The following RPS6KA6 variants were observed in gnomAD, a reference collection of about 807,000 sequenced individuals.
RPS6KA6 encodes ribosomal protein S6 kinase A6.
Under a neutral mutation model 65.4 loss-of-function variants are expected in RPS6KA6, and 27 were observed. That is an observed-to-expected ratio of 0.41 (90% CI 0.30 to 0.57). The LOEUF is 0.57. RPS6KA6 is among the 20% of genes least tolerant of loss of function. RPS6KA6 has a pLI of 0.24. For synonymous variants in RPS6KA6, 190 were observed against 184.2 expected (o/e 1.03, Z -0.26); for missense variants, 486 against 555.6 (o/e 0.87, Z 1.26).
At chrX:84,186,144 T>TCCAAA in intron 1 of RPS6KA6, 1 of 510,460 alleles carries the variant, frequency 2.0e-6, no homozygotes. Context: ...AGACCCATTG[T>TCCAAA]TAAATCTCTA....
At chrX:84,172,675 A>T (rs2035704979) in intron 1 of RPS6KA6, among the ~76,000 whole-genome samples, 1 of 112,313 alleles carries the variant, frequency 8.9e-6, no homozygotes, top group South Asian at 3.7e-4. Flanking sequence ...CTATGTTCAT[A>T]GCAGCATTAT....
chrX:84,126,949 C>T (rs2034803765), intron 8 of RPS6KA6, among the ~76,000 whole-genome samples: 1 of 110,710 alleles, frequency 9.0e-6, no homozygotes, highest in Non-Finnish European at 1.9e-5. Context: ...GTGAATTGAA[C>T]CCAAATTAGT....
intron 1 of RPS6KA6, among the ~76,000 whole-genome samples, chrX:84,172,143 C>T (rs777364115): frequency 1.8e-4 from 20 of 111,658 alleles, no homozygotes; most frequent in South Asian, 3.8e-4. Context: ...AATAAACATG[C>T]GTGTTTATAT....
chrX:84,107,463 C>T (rs1290163867), intron 13 of RPS6KA6, among the ~76,000 whole-genome samples, 160 bp downstream of exon 13: 5 of 112,519 alleles, frequency 4.4e-5, no homozygotes, highest in Non-Finnish European at 9.4e-5. Flanking sequence ...ATCTACTTGA[C>T]AGCTGCCCAA....
At chrX:84,109,010 G>T (rs2034417256) in intron 12 of RPS6KA6, among the ~76,000 whole-genome samples, 1 of 111,847 alleles carries the variant, frequency 8.9e-6, no homozygotes, top group African/African-American at 3.3e-5. Context: ...AGCCCCCAGA[G>T]GCTCGTGACC....
intron 20 of RPS6KA6, among the ~76,000 whole-genome samples, chrX:84,095,451 G>A (rs1044654501): frequency 1.8e-5 from 2 of 111,597 alleles, no homozygotes; most frequent in African/African-American, 6.5e-5. Flanking sequence ...AATAAGGCCA[G>A]TTATGCTGAA....
intron 1 of RPS6KA6, among the ~76,000 whole-genome samples, chrX:84,180,842 G>A (rs2035841139): frequency 9.0e-6 from 1 of 111,290 alleles, no homozygotes; most frequent in Non-Finnish European, 1.9e-5. Flanking sequence ...AATGTATAGA[G>A]GAAAAAGCAT....
intron 8 of RPS6KA6, among the ~76,000 whole-genome samples, chrX:84,133,723 TA>T (rs993932471): frequency 5.4e-5 from 6 of 111,880 alleles, no homozygotes; most frequent in Admixed American, 1.9e-4. Flanking sequence ...TTAATTGCTA[TA>T]AAATAAAATT....
Position 84,147,021 on chromosome X carries a change from T to C in RPS6KA6, c.378A>G (p.Ile126Met). 8.4e-7 allele frequency: 1 copy of C among 1,187,494 alleles called. No individual in the cohort carries two copies. Among genetic ancestry groups the C allele is most frequent in the Non-Finnish European group, 1.1e-6 (1 of 877,293 alleles). Residue 126 changes from isoleucine (I) to methionine (M), a missense_variant, in exon 5 of 22, where the codon ATA becomes ATG. Physicochemically the swap from Ile to Met is conservative, Grantham distance 10. Around this residue, in one of 3 missense-constraint regions of RPS6KA6, gnomAD observed 106 missense variants for 105.0 expected, o/e 1.01. Coordinates refer to ENST00000262752, the MANE Select transcript of RPS6KA6 (RefSeq NM_014496.5). Reference sequence around the variant, plus strand: ...TAAATGGATGATTTACTTCCACCAGTATATCCCTCTCCATCTTTGTCCGAA... The same window carrying C: ...TAAATGGATGATTTACTTCCACCAGCATATCCCTCTCCATCTTTGTCCGAA... ...DRVRTKMERDILVEVNHPFIV... is the reference protein window; with the variant it reads ...DRVRTKMERDMLVEVNHPFIV...
At chrX:84,159,448 T>C (rs1222088841) in intron 2 of RPS6KA6, among the ~76,000 whole-genome samples, 1 of 110,983 alleles carries the variant, frequency 9.0e-6, no homozygotes, top group Non-Finnish European at 1.9e-5. Context: ...TAAATCATCC[T>C]TAAAAAAATT....
At chrX:84,126,773 G>T (rs905519264) in intron 8 of RPS6KA6, among the ~76,000 whole-genome samples, 2 of 110,400 alleles carry the variant, frequency 1.8e-5, no homozygotes, top group Non-Finnish European at 3.8e-5. Context: ...AATTAAGAAA[G>T]AAATTTAAAA....
chrX:84,089,841 A>G (rs1223031582), intron 20 of RPS6KA6, among the ~76,000 whole-genome samples: 1 of 111,741 alleles, frequency 8.9e-6, no homozygotes, highest in African/African-American at 3.3e-5. Flanking sequence ...GAATTAACAC[A>G]CCATTTTCAC....
chrX:84,092,218 CA>C (rs1307416364), intron 20 of RPS6KA6, among the ~76,000 whole-genome samples: 31 of 106,861 alleles, frequency 2.9e-4, no homozygotes, highest in Admixed American at 6.0e-4. Context: ...TTATACTTTT[CA>C]AAAAAAAAAT....
At chrX:84,180,305 A>T (rs1171682031) in intron 1 of RPS6KA6, among the ~76,000 whole-genome samples, 1 of 112,485 alleles carries the variant, frequency 8.9e-6, no homozygotes, top group African/African-American at 3.2e-5. Flanking sequence ...CTTCAGAAAG[A>T]AAGTGCAAAT....
intron 20 of RPS6KA6, among the ~76,000 whole-genome samples, chrX:84,083,747 T>C (rs766042302): frequency 1.8e-5 from 2 of 112,277 alleles, no homozygotes; most frequent in African/African-American, 6.5e-5. Flanking sequence ...AGTAATGGGA[T>C]TGCTGGGTCA....
In RPS6KA6 at chrX:84,083,499, A is replaced by C. The variant is rs137870660; in HGVS notation, c.1971+12695T>G. Among the ~76,000 whole-genome samples, 203 of 111,933 alleles carry C rather than the reference A, an allele frequency of 1.8e-3. 1 individual carries two copies. The highest frequency in any genetic ancestry group is 6.3e-3 in the African/African-American group (194 of 30,829). On this transcript the variant is annotated intron_variant, in intron 20 of 21. Transcript: ENST00000262752. Reference sequence around the variant, plus strand: ...CTCAGTGTCTGGCTTTCTGTTCCTGAGTTAGTTTGCTAAAAATAATGGCTT... The same window carrying C: ...CTCAGTGTCTGGCTTTCTGTTCCTGCGTTAGTTTGCTAAAAATAATGGCTT...
chrX:84,142,029 A>G (rs998079122), intron 6 of RPS6KA6, among the ~76,000 whole-genome samples: 1 of 111,739 alleles, frequency 8.9e-6, no homozygotes, highest in Non-Finnish European at 1.9e-5. Flanking sequence ...GATCCAGTCC[A>G]CATTTATAGA....
chrX:84,188,396 C>T (rs1246441336), upstream of RPS6KA6, among the ~76,000 whole-genome samples: 1 of 78,780 alleles, frequency 1.3e-5, no homozygotes, highest in Non-Finnish European at 2.5e-5. Flanking sequence ...CGGGGGACCG[C>T]GTGGTGGGTG....
chrX:84,163,424 G>A (rs913915751), intron 2 of RPS6KA6, among the ~76,000 whole-genome samples: 3 of 108,319 alleles, frequency 2.8e-5, no homozygotes, highest in African/African-American at 1.0e-4. Flanking sequence ...TGGATCATGA[G>A]GTCAGGAGAT....
Sources: allele counts gnomAD v4.1 joint callset (sites outside exome capture counted in the v4.1 genomes callset), GRCh38; gene constraint gnomAD v4.1.1; regional missense constraint gnomAD v4.1.1; transcripts MANE v1.5; gene names NCBI Gene and HGNC (gene_info 2026-07-23, HGNC 2026-07-21).